The following CNOT10 variants were observed in gnomAD, a reference collection of about 807,000 sequenced individuals.
CNOT10 encodes the protein CCR4-NOT transcription complex, subunit 10.
In CNOT10, 30 loss-of-function variants were observed where a neutral mutation model predicts 94.6. The observed-to-expected ratio is 0.32, with a 90% confidence interval of 0.24 to 0.43. The LOEUF is 0.43. Among genes scored for constraint, CNOT10 ranks in the 20% least tolerant of loss-of-function variants. The probability of loss-of-function intolerance (pLI) is 1.00; values close to 1 mark genes in which losing one functional copy is unlikely to be tolerated. For synonymous variants in CNOT10, 289 were observed against 301.6 expected, an observed-to-expected ratio of 0.96 and a Z score of 0.43; for missense variants, 759 against 877.2, an observed-to-expected ratio of 0.87 and a Z score of 1.70.
intron 18 of CNOT10, among the ~76,000 whole-genome samples, chr3:32,772,565 C>T (rs1008384144): frequency 6.6e-6 from 1 of 151,708 alleles, no homozygotes; most frequent in African/African-American, 2.4e-5. Flanking sequence ...GGCACAGTAG[C>T]TCATGCCCGT....
intron 10 of CNOT10, chr3:32,730,617 T>C (rs1698900138): frequency 6.6e-6 from 1 of 152,194 alleles, no homozygotes; most frequent in South Asian, 2.1e-4. Flanking sequence ...TACGAGTAAT[T>C]GTAAACTCCA....
At chr3:32,728,477 G>T (rs1698786067) in intron 10 of CNOT10, among the ~76,000 whole-genome samples, 1 of 151,836 alleles carries the variant, frequency 6.6e-6, no homozygotes, top group South Asian at 2.1e-4. Context: ...ACTGGGTGTG[G>T]CAGTGAGCGC....
intron 13 of CNOT10, among the ~76,000 whole-genome samples, chr3:32,758,461 C>A (rs1700307371): frequency 6.6e-6 from 1 of 152,128 alleles, no homozygotes; most frequent in Non-Finnish European, 1.5e-5. Context: ...TAGGAAGAGC[C>A]ATTTCTAGTC....
intron 18 of CNOT10, 67 bp downstream of exon 18, chr3:32,770,029 AG>A (rs1700828929): frequency 8.1e-7 from 1 of 1,241,562 alleles, no homozygotes; most frequent in Admixed American, 1.7e-5. Context: ...GTTGGGAGAC[AG>A]GGTCTCACTG....
intron 14 of CNOT10, among the ~76,000 whole-genome samples, chr3:32,761,054 G>A (rs1346463983): frequency 2.6e-5 from 4 of 152,058 alleles, no homozygotes; most frequent in African/African-American, 4.8e-5. Flanking sequence ...GCTTGAGCCT[G>A]GGAGGCAGAA....
chr3:32,712,311 C>CA (rs1575225475), intron 4 of CNOT10, among the ~76,000 whole-genome samples: 1 of 152,186 alleles, frequency 6.6e-6, no homozygotes, highest in East Asian at 1.9e-4. Flanking sequence ...TTTGACAGGT[C>CA]AGCCAGCTGA....
At chr3:32,721,084 G>T (rs1457064758) in intron 8 of CNOT10, among the ~76,000 whole-genome samples, 14 of 94,088 alleles carry the variant, frequency 1.5e-4, no homozygotes, top group Non-Finnish European at 6.0e-5. Context: ...TTTTTTGACA[G>T]AGTCTTGCTC....
chr3:32,769,826 A>G (rs1700817754), intron 17 of CNOT10, 61 bp from the exon 18 acceptor site: 1 of 1,302,814 alleles, frequency 7.7e-7, no homozygotes, highest in Admixed American at 1.7e-5. Context: ...TGGCAGATGT[A>G]CTTGGAGTGT....
intron 7 of CNOT10, among the ~76,000 whole-genome samples, chr3:32,718,478 G>A (rs369866810): frequency 3.3e-5 from 5 of 149,936 alleles, no homozygotes; most frequent in East Asian, 4.0e-4. Context: ...CAGCTACTCG[G>A]GAGGCTGAGG....
At chr3:32,761,555 G>C (rs974893966) in intron 14 of CNOT10, among the ~76,000 whole-genome samples, 2 of 150,922 alleles carry the variant, frequency 1.3e-5, no homozygotes, top group African/African-American at 4.9e-5. Flanking sequence ...ACCACACCCG[G>C]CTAATTTTTT....
intron 1 of CNOT10, among the ~76,000 whole-genome samples, chr3:32,700,940 A>C (rs1371019800): frequency 2.0e-5 from 3 of 152,220 alleles, no homozygotes; most frequent in Non-Finnish European, 4.4e-5. Flanking sequence ...CATCTTTTAA[A>C]AACAAATGGC....
intron 10 of CNOT10, among the ~76,000 whole-genome samples, chr3:32,730,280 A>T (rs555601517): frequency 1.3e-5 from 2 of 152,152 alleles, no homozygotes; most frequent in African/African-American, 4.8e-5. Flanking sequence ...ATTGTGTTCT[A>T]CAGAAGCCAT....
chr3:32,702,293 T>C (rs1697389705), intron 1 of CNOT10, among the ~76,000 whole-genome samples: 1 of 152,212 alleles, frequency 6.6e-6, no homozygotes, highest in Non-Finnish European at 1.5e-5. Flanking sequence ...ATAAAAAGTA[T>C]TGAAGCATTT....
At chr3:32,696,961 T>C (rs948964645) in intron 1 of CNOT10, among the ~76,000 whole-genome samples, 2 of 151,804 alleles carry the variant, frequency 1.3e-5, no homozygotes, top group African/African-American at 4.8e-5. Context: ...CTTTTCTTTT[T>C]TTTTTTTGAG....
intron 8 of CNOT10, among the ~76,000 whole-genome samples, chr3:32,723,122 G>A (rs373556171): frequency 3.3e-5 from 5 of 152,164 alleles, no homozygotes; most frequent in South Asian, 2.1e-4. Flanking sequence ...GGCCGGGCAC[G>A]GTGGCTCACA....
At chr3:32,687,447 TTTTTG>T (rs1315314357) in intron 1 of CNOT10, among the ~76,000 whole-genome samples, 2 of 73,450 alleles carry the variant, frequency 2.7e-5, no homozygotes, top group African/African-American at 5.9e-5. Flanking sequence ...CGGTTTTTTT[TTTTTG>T]TTTTTTTTTT....
In CNOT10 at chr3:32,757,170, A is replaced by ATTTTTTTTTTT. The variant is rs1173513009; in HGVS notation, c.1596-2272_1596-2262dup. Among the ~76,000 whole-genome samples the ATTTTTTTTTTT allele has an allele frequency of 2.3e-4, 18 of 78,298 alleles. 3 individuals are homozygous for ATTTTTTTTTTT. The highest frequency in any genetic ancestry group is 9.4e-4 in the African/African-American group (17 of 18,026). 51.4% of individuals were successfully genotyped at this position (78,298 alleles called of 152,430 possible). On this transcript the variant is annotated intron_variant, in intron 13 of 18. Coordinates refer to ENST00000328834, the MANE Select transcript of CNOT10 (RefSeq NM_015442.3). ...TGTCATTCACATAGGCCCTGAACTA[A>ATTTTTTTTTTT]TTTTTTTTTTTTTTTTTTTTTTTTT...
chr3:32,689,844 A>G (rs1696779123), intron 1 of CNOT10, among the ~76,000 whole-genome samples: 1 of 152,036 alleles, frequency 6.6e-6, no homozygotes. Context: ...AGTCCTAGCT[A>G]CTCCAGAGTC....
Position 32,764,752 on chromosome 3 carries a change from T to G in CNOT10, c.1947T>G (p.Leu649=), listed in dbSNP as rs111433326. The change falls in exon 17 of 19, where the codon CTT becomes CTG. Residue 649 remains leucine, a synonymous_variant. Coordinates refer to ENST00000328834, the MANE Select transcript of CNOT10 (RefSeq NM_015442.3). The part of the protein sequence containing the change: ...NSARTVMLFN[L]GSAYCLRSEY... ...CCAGGACTGTGATGCTGTTCAACCT[T>G]GGCAGCGCTTACTGCCTGAGGAGCG... 29 of 1,614,134 alleles carry G rather than the reference T, an allele frequency of 1.8e-5. No individual in the cohort carries two copies. The African/African-American group carries it at 2.9e-4, about 16-fold the overall frequency.
Sources: gnomAD v4.1 joint callset for allele counts (sites outside exome capture counted in the v4.1 genomes callset) on GRCh38, gnomAD v4.1.1 for gene constraint, MANE v1.5 for transcripts, NCBI Gene and HGNC (gene_info 2026-07-23, HGNC 2026-07-21) for gene names.